Variants in ANKRD30A observed in about 807,000 individuals in gnomAD.
ANKRD30A encodes the protein ankyrin repeat domain-containing protein 30A.
A neutral mutation model predicts 166.3 loss-of-function variants in ANKRD30A; 170 were observed. The observed-to-expected ratio is 1.02, with a 90% CI of 0.90 to 1.16. The LOEUF is 1.16. Ranked by LOEUF, ANKRD30A falls within the 50% of genes most tolerant of loss-of-function variation. ANKRD30A has a pLI of 0.00. For missense variants in ANKRD30A, 1,630 were observed against 1,518.0 expected, an observed-to-expected ratio of 1.07 and a Z score of -1.23; for synonymous variants, 564 against 508.9, an observed-to-expected ratio of 1.11 and a Z score of -1.46.
chr10:37,134,342 T>C (rs1836549625), intron 5 of ANKRD30A, among the ~76,000 whole-genome samples: 1 of 152,188 alleles, frequency 6.6e-6, no homozygotes, highest in Non-Finnish European at 1.5e-5. Flanking sequence ...TCTAAATACT[T>C]GAATTTTTTA....
chr10:37,229,594 C>T (rs1843322817), intron 34 of ANKRD30A, among the ~76,000 whole-genome samples: 2 of 151,922 alleles, frequency 1.3e-5, no homozygotes, highest in Non-Finnish European at 2.9e-5. Flanking sequence ...CACCAGAACT[C>T]ATCCTCCTAT....
At chr10:37,158,920 G>C (rs1314226941) in intron 15 of ANKRD30A, among the ~76,000 whole-genome samples, 1 of 152,144 alleles carries the variant, frequency 6.6e-6, no homozygotes, top group Non-Finnish European at 1.5e-5. Context: ...AGGCTGATTG[G>C]AATTCCGATC....
At position 37,224,766 on chromosome 10, in the gene ANKRD30A, A is replaced by G. The variant is rs112577876; in HGVS notation, c.4185+4869A>G. ...AGCAAAGATCTTTAGATCTCTTCCTACAACAGTCGTGAAGTCTTCACATGA... is the reference window on the plus strand; with the variant it reads ...AGCAAAGATCTTTAGATCTCTTCCTGCAACAGTCGTGAAGTCTTCACATGA... On this transcript the variant is annotated intron_variant, in intron 34 of 35. Coordinates refer to ENST00000361713, the MANE Select transcript of ANKRD30A (RefSeq NM_052997.3). Among the ~76,000 whole-genome samples, 580 of 151,572 alleles carry G rather than the reference A, an allele frequency of 3.8e-3. 3 individuals are homozygous for G. The highest frequency in any genetic ancestry group is 0.013 in the African/African-American group (554 of 41,448).
At position 37,227,374 on chromosome 10, in the gene ANKRD30A, T is replaced by C. The variant is rs1282386438; in HGVS notation, c.4186-4087T>C. Among the ~76,000 whole-genome samples the C allele has an allele frequency of 2.1e-4, 32 of 151,942 alleles. 1 individual carries two copies. The highest frequency in any genetic ancestry group is 2.1e-3 in the Admixed American group (32 of 15,214). On this transcript the variant is annotated intron_variant, in intron 34 of 35. Coordinates refer to ENST00000361713, the MANE Select transcript of ANKRD30A (RefSeq NM_052997.3). ...TGGATATCCATTTGTCCCAGAACCA[T>C]TGGTTGAAAATACTATTCTTTTCCC...
At chr10:37,212,108 A>G (rs983141223) in intron 31 of ANKRD30A, among the ~76,000 whole-genome samples, 3 of 152,030 alleles carry the variant, frequency 2.0e-5, no homozygotes, top group African/African-American at 7.2e-5. Flanking sequence ...ATGATTGTAT[A>G]TCTAGAAAAC....
rs151329422 is a variant in ANKRD30A, at chr10:37,229,249, C to G, written c.4186-2212C>G. Among the ~76,000 whole-genome samples, 169 of 151,942 alleles carry G rather than the reference C, an allele frequency of 1.1e-3. 1 individual carries two copies. The highest frequency in any genetic ancestry group is 3.9e-3 in the African/African-American group (161 of 41,476). ...CTCAAACTGCTTGCCCTTGGTACCC[C>G]CTTCTCCTGTTTTGAGTGAGGATGG... On this transcript the variant is annotated intron_variant, in intron 34 of 35. Coordinates refer to ENST00000361713, the MANE Select transcript of ANKRD30A (RefSeq NM_052997.3).
chr10:37,191,264 T>C (rs1840554315), intron 25 of ANKRD30A, among the ~76,000 whole-genome samples: 2 of 151,518 alleles, frequency 1.3e-5, no homozygotes, highest in Admixed American at 6.6e-5. Context: ...TTCCAGTATA[T>C]GGGTATGAAA....
In ANKRD30A at chr10:37,132,358, C is replaced by CT. The variant is rs759389685; in HGVS notation, c.617+19dup. 22 of 1,469,390 alleles carry CT rather than the reference C, an allele frequency of 1.5e-5. No individual in the cohort carries two copies. The highest frequency in any genetic ancestry group is 1.1e-4 in the South Asian group (8 of 71,014). 91.0% of individuals were successfully genotyped at this position (1,469,390 alleles called of 1,614,324 possible). ...AATAAGTATAAATGGTATAGTAGTT[C>CT]TTTTTTTATTAAAAAACACTTGAGT... is the stretch of plus-strand genomic sequence containing the variant. On this transcript the variant is annotated intron_variant, in intron 4 of 35. Transcript: ENST00000361713.
At position 37,147,412 on chromosome 10, in the gene ANKRD30A, G is replaced by T. The variant is rs754022824; in HGVS notation, c.1498G>T (p.Glu500Ter). 2 of 1,597,092 alleles carry T rather than the reference G, an allele frequency of 1.3e-6. No individual in the cohort carries two copies. Among genetic ancestry groups the T allele is most frequent in the Admixed American group, 1.8e-5 (1 of 56,554 alleles). Reference sequence around the variant, plus strand: ...TGCAAAGATTCAAGTGTGTATACCTGAGTCTATATATCAAAAAGTAATGGA... The same window carrying T: ...TGCAAAGATTCAAGTGTGTATACCTTAGTCTATATATCAAAAAGTAATGGA... ...SSAKIQVCIP[E>*]SIYQKVMEIN... The change falls in exon 9 of 36, where the codon GAG (glutamate) becomes TAG (stop). Residue 500 changes from glutamate (E) to a stop codon, truncating the protein, a stop_gained. Transcript: ENST00000361713. LOFTEE classifies it high-confidence loss of function.
rs1588794283 is a variant in ANKRD30A at position 37,149,984 on chromosome 10, T to C, written c.1645+135T>C. On this transcript the variant is annotated intron_variant, in intron 11 of 35. Coordinates refer to ENST00000361713, the MANE Select transcript of ANKRD30A (RefSeq NM_052997.3). ...ATCTAGATAATGCCAATACTGGTAT[T>C]GATGTTTGAAAACCTGATATTACAA... 3.1e-6 allele frequency: 4 copies of C among 1,272,096 alleles called. No individual in the cohort carries two copies. In the East Asian group the frequency reaches 1.0e-4, roughly 32 times the overall value. The allele number at this position is 1,272,096 out of a possible 1,614,324, so 78.8% of individuals were successfully genotyped here. A position where few individuals can be genotyped will look rare whatever the true frequency, so the allele number is the denominator to read the frequency against.
intron 21 of ANKRD30A, among the ~76,000 whole-genome samples, chr10:37,172,548 T>TC (rs1839663001): frequency 1.4e-5 from 2 of 146,162 alleles, no homozygotes; most frequent in African/African-American, 5.0e-5. Flanking sequence ...AATTTCTTTT[T>TC]TTTTTTTTTT....
intron 4 of ANKRD30A, among the ~76,000 whole-genome samples, chr10:37,133,561 G>T (rs1393118372): frequency 1.3e-5 from 2 of 152,156 alleles, no homozygotes; most frequent in Non-Finnish European, 2.9e-5. Flanking sequence ...CCTTCAGATT[G>T]CTGTCACTTG....
At chr10:37,155,367 G>A (rs982242216) in intron 13 of ANKRD30A, among the ~76,000 whole-genome samples, 4 of 152,112 alleles carry the variant, frequency 2.6e-5, no homozygotes, top group African/African-American at 7.2e-5. Flanking sequence ...AAAAATCAAT[G>A]AATATTTATA....
intron 34 of ANKRD30A, among the ~76,000 whole-genome samples, chr10:37,227,750 T>C (rs1464615295): frequency 6.6e-6 from 1 of 151,988 alleles, no homozygotes; most frequent in Non-Finnish European, 1.5e-5. Flanking sequence ...TGCCTCTCTC[T>C]TGAGTCCCAT....
In ANKRD30A at chr10:37,216,311, A is replaced by G; in HGVS notation, c.3000A>G (p.Lys1000=). 1 of 1,609,030 alleles carries G rather than the reference A, an allele frequency of 6.2e-7. No individual in the cohort carries two copies. The highest frequency in any genetic ancestry group is 8.5e-7 in the Non-Finnish European group (1 of 1,176,694). ...EQMKKKFCVL[K]KKLSEAKEIK... Reference sequence around the variant, plus strand: ...TGAAAAAGAAGTTTTGTGTACTGAAAAAGAAACTGTCAGAAGCAAAAGAAA... The same window carrying G: ...TGAAAAAGAAGTTTTGTGTACTGAAGAAGAAACTGTCAGAAGCAAAAGAAA... Residue 1000 remains lysine, a synonymous_variant, in exon 32 of 36, where the codon AAA becomes AAG. Transcript: ENST00000361713.
chr10:37,195,103 G>A (rs1840970609), intron 27 of ANKRD30A, among the ~76,000 whole-genome samples: 1 of 152,050 alleles, frequency 6.6e-6, no homozygotes, highest in South Asian at 2.1e-4. Context: ...TAGGCCCCCG[G>A]TGTATTTGTT....
chr10:37,237,097 A>G (rs529090174), downstream of ANKRD30A, among the ~76,000 whole-genome samples: 1 of 152,208 alleles, frequency 6.6e-6, no homozygotes, highest in African/African-American at 2.4e-5. Context: ...AGACAGTTTT[A>G]CCATATGCAT....
At chr10:37,255,620 A>G in the ANKRD30A span, among the ~76,000 whole-genome samples, 1 of 152,188 alleles carries the variant, frequency 6.6e-6, no homozygotes, top group Admixed American at 6.5e-5. Context: ...CTCTGTAGTC[A>G]TTAAGCAATA....
At chr10:37,198,799 C>T (rs1841376907) in intron 29 of ANKRD30A, among the ~76,000 whole-genome samples, 1 of 151,986 alleles carries the variant, frequency 6.6e-6, no homozygotes, top group Admixed American at 6.6e-5. Flanking sequence ...ATATACGTAC[C>T]CTTAATGATG....
Sources: allele counts gnomAD v4.1 joint callset (sites outside exome capture counted in the v4.1 genomes callset), GRCh38; gene constraint gnomAD v4.1.1; transcripts MANE v1.5; gene names NCBI Gene and HGNC (gene_info 2026-07-23, HGNC 2026-07-21).